SMIM45: variants seen among roughly 807,000 people sequenced by gnomAD.
The protein encoded by SMIM45 is long intergenic non-protein coding RNA 634.
At chr22:41,948,583 G>C in the SMIM45 span, among the ~76,000 whole-genome samples, 3 of 152,012 alleles carry the variant, frequency 2.0e-5, no homozygotes, top group African/African-American at 7.3e-5. Context: ...GGGGTGTGGA[G>C]AGGACTTCCT....
chr22:41,953,325 G>C, the SMIM45 span, among the ~76,000 whole-genome samples: 657 of 152,196 alleles, frequency 4.3e-3, 31 homozygotes, highest in East Asian at 0.12. Context: ...GCTTCTCTCC[G>C]ACCTACCTGG....
At chr22:41,956,646 C>T in the SMIM45 span, among the ~76,000 whole-genome samples, 3 of 152,236 alleles carry the variant, frequency 2.0e-5, no homozygotes, top group African/African-American at 7.2e-5. Flanking sequence ...GTGCCCTGCA[C>T]AGGCCCCATC....
chr22:41,954,992 A>G, the SMIM45 span, among the ~76,000 whole-genome samples: 1 of 152,008 alleles, frequency 6.6e-6, no homozygotes, highest in Non-Finnish European at 1.5e-5. Context: ...CAACAGAATG[A>G]GACTCTGTCT....
chr22:41,947,092 A>T, the SMIM45 span: 1 of 1,612,568 alleles, frequency 6.2e-7, no homozygotes, highest in Non-Finnish European at 8.5e-7. Context: ...CCGCAGGACC[A>T]ACCGTTGCTC....
At chr22:41,951,787 T>A in the SMIM45 span, among the ~76,000 whole-genome samples, 6,731 of 152,288 alleles carry the variant, frequency 0.044, 484 homozygotes, top group African/African-American at 0.15. Context: ...GTATAACATA[T>A]GACCCCCTTG....
the SMIM45 span, among the ~76,000 whole-genome samples, chr22:41,957,342 C>A: frequency 2.0e-5 from 3 of 148,822 alleles, no homozygotes; most frequent in African/African-American, 7.4e-5. Context: ...TACAGGCATG[C>A]GCCACCACGC....
chr22:41,954,202 A>ATTTTTT, the SMIM45 span, among the ~76,000 whole-genome samples: 25 of 104,530 alleles, frequency 2.4e-4, 1 homozygote, highest in Admixed American at 3.3e-4. Context: ...GGTACTTTGA[A>ATTTTTT]TTTTTTTTTT....
the SMIM45 span, among the ~76,000 whole-genome samples, chr22:41,948,081 A>G: frequency 2.0e-5 from 3 of 152,196 alleles, no homozygotes; most frequent in Non-Finnish European, 4.4e-5. Context: ...CAGCAAGAAC[A>G]TGCAGGGACG....
chr22:41,957,725 G>C, the SMIM45 span: 2 of 153,432 alleles, frequency 1.3e-5, no homozygotes, highest in African/African-American at 4.8e-5. Flanking sequence ...GGTCTACTTG[G>C]TCATCTCGGT....
the SMIM45 span, among the ~76,000 whole-genome samples, chr22:41,951,973 T>C: frequency 1.1e-4 from 17 of 152,016 alleles, no homozygotes; most frequent in Non-Finnish European, 2.5e-4. Context: ...CTCCCCGCAC[T>C]CCCCCAATCC....
the SMIM45 span, among the ~76,000 whole-genome samples, chr22:41,954,409 G>GT: frequency 6.6e-6 from 1 of 151,978 alleles, no homozygotes; most frequent in African/African-American, 2.4e-5. Context: ...GTTTCTCCAT[G>GT]TTGGCCAGGC....
At chr22:41,947,134 T>A in the SMIM45 span, 4 of 1,566,008 alleles carry the variant, frequency 2.6e-6, no homozygotes, top group Non-Finnish European at 3.5e-6. Flanking sequence ...CAAACCGCCC[T>A]GAGTCCAGCC....
the SMIM45 span, chr22:41,947,070 C>T: frequency 1.2e-6 from 2 of 1,612,928 alleles, no homozygotes; most frequent in Admixed American, 3.3e-5. Context: ...GGCCTCAACA[C>T]CGACATCACA....
At chr22:41,950,966 T>C in the SMIM45 span, among the ~76,000 whole-genome samples, 1 of 152,232 alleles carries the variant, frequency 6.6e-6, no homozygotes, top group Non-Finnish European at 1.5e-5. Context: ...CACTCCAGCC[T>C]GGCGAACACA....
chr22:41,953,264 T>TAG, the SMIM45 span, among the ~76,000 whole-genome samples: 30 of 151,268 alleles, frequency 2.0e-4, no homozygotes, highest in East Asian at 1.8e-3. Context: ...CACCTGGGAG[T>TAG]AGAGAGACAA....
chr22:41,955,360 G>A, the SMIM45 span, among the ~76,000 whole-genome samples: 12 of 151,952 alleles, frequency 7.9e-5, no homozygotes, highest in Non-Finnish European at 1.6e-4. Context: ...TGTACTTTTA[G>A]TAGAGACAGG....
the SMIM45 span, chr22:41,952,228 G>A: frequency 6.6e-6 from 1 of 152,426 alleles, no homozygotes; most frequent in African/African-American, 2.4e-5. Context: ...GAGCCCCTGG[G>A]TGTGAGAAGC....
At chr22:41,954,464 C>T in the SMIM45 span, among the ~76,000 whole-genome samples, 1 of 152,128 alleles carries the variant, frequency 6.6e-6, no homozygotes, top group Non-Finnish European at 1.5e-5. Context: ...CCTTGGCCTC[C>T]CAAAATGCTG....
At chr22:41,958,717 T>G in the SMIM45 span, 1 of 226,354 alleles carries the variant, frequency 4.4e-6, no homozygotes. Flanking sequence ...CAGGAGCCCC[T>G]GCCCTCCCTC....
Sources: gnomAD v4.1 joint callset for allele counts (sites outside exome capture counted in the v4.1 genomes callset) on GRCh38, gnomAD v4.1.1 for gene constraint, MANE v1.5 for transcripts, NCBI Gene and HGNC (gene_info 2026-07-23, HGNC 2026-07-21) for gene names.